CFAP47: variants seen among roughly 807,000 people sequenced by gnomAD.
CFAP47 encodes the protein cilia- and flagella-associated protein 47.
Under a neutral mutation model 148.1 loss-of-function variants are expected in CFAP47, and 29 were observed. That is an observed-to-expected ratio of 0.20 (90% confidence interval 0.15 to 0.27). CFAP47 has a LOEUF of 0.27. Ranked by LOEUF, CFAP47 falls within the 10% of genes least tolerant of loss-of-function variation. CFAP47 has a pLI of 1.00. For synonymous variants in CFAP47, 664 were observed against 577.3 expected (o/e 1.15, Z -2.15); for missense variants, 1,872 against 1,697.5 (o/e 1.10, Z -1.81).
rs1398240416 is a variant in CFAP47 at position 36,293,296 on chromosome X, ACT to A, written c.7687-5676_7687-5675del. Among the ~76,000 whole-genome samples the A allele has an allele frequency of 1.9e-4, 21 of 112,386 alleles. No homozygotes were observed. The South Asian group carries it at 6.9e-3, about 37-fold the overall frequency. On this transcript the variant is annotated intron_variant, in intron 51 of 63. Coordinates refer to ENST00000378653, the MANE Select transcript of CFAP47 (RefSeq NM_001304548.2). ...GTGGTTGCTGTCCTGTTTATTTAAG[ACT>A]CTCTAAATATAGTATTCAGAGTATA... is the stretch of plus-strand genomic sequence containing the variant.
chrX:36,293,939 G>A (rs1941216154), intron 51 of CFAP47, among the ~76,000 whole-genome samples: 1 of 111,300 alleles, frequency 9.0e-6, no homozygotes, highest in South Asian at 3.9e-4. Context: ...TAGAGTGAGA[G>A]CAAGATGCAC....
At chrX:35,986,707 C>T (rs1478437051) in intron 15 of CFAP47, among the ~76,000 whole-genome samples, 2 of 111,157 alleles carry the variant, frequency 1.8e-5, no homozygotes, top group Non-Finnish European at 1.9e-5. Flanking sequence ...TTGAAATTTT[C>T]AGCCTTTTTG....
chrX:36,347,402 A>G (rs75830673), intron 57 of CFAP47, among the ~76,000 whole-genome samples: 1 of 111,804 alleles, frequency 8.9e-6, no homozygotes, highest in Admixed American at 9.5e-5. Context: ...AACTAGAAAT[A>G]CCATTTGACC....
chrX:36,326,145 T>C (rs1941515833), intron 57 of CFAP47, among the ~76,000 whole-genome samples: 1 of 111,603 alleles, frequency 9.0e-6, no homozygotes, highest in African/African-American at 3.3e-5. Context: ...TCATCTATCC[T>C]TGCAGTAATA....
chrX:36,327,824 G>A (rs1556013357), intron 57 of CFAP47, among the ~76,000 whole-genome samples: 2 of 112,004 alleles, frequency 1.8e-5, no homozygotes, highest in African/African-American at 6.5e-5. Context: ...GAATGCAGCT[G>A]AAGGCAATAA....
At chrX:36,046,708 C>T (rs1741802799) in intron 25 of CFAP47, 146 bp from the exon 26 acceptor site, 1 of 412,737 alleles carries the variant, frequency 2.4e-6, no homozygotes, top group East Asian at 4.0e-5. Flanking sequence ...AGAGATGATA[C>T]AAAGATATCT....
chrX:36,088,625 G>T (rs1938129258), intron 30 of CFAP47, among the ~76,000 whole-genome samples: 1 of 110,742 alleles, frequency 9.0e-6, no homozygotes, highest in Non-Finnish European at 1.9e-5. Context: ...CCAAATTTTT[G>T]ACACCTTGAT....
chrX:36,350,102 C>A lies in CFAP47; in HGVS notation c.8668C>A (p.Pro2890Thr), dbSNP rs1317932026. 1.7e-6 allele frequency: 2 copies of A among 1,156,574 alleles called. No homozygotes were observed. Among genetic ancestry groups the A allele is most frequent in the East Asian group, 3.3e-5 (1 of 30,664 alleles). Residue 2890 changes from proline (P) to threonine (T), a missense_variant, in exon 59 of 64, where the codon CCA becomes ACA. Physicochemically the swap from Pro to Thr is conservative, Grantham distance 38 (BLOSUM62 -1). Transcript: ENST00000378653. ...IHWIYPIVGL[P>T]QAPPPKSPPV... is the part of the protein sequence containing the mutation. ...CTGGATATACCCTATTGTTGGACTC[C>A]CACAAGCACCACCTCCTAAATCTCC... is the stretch of plus-strand genomic sequence containing the variant.
At chrX:36,251,059 A>G (rs782490636) in intron 48 of CFAP47, among the ~76,000 whole-genome samples, 11 of 111,561 alleles carry the variant, frequency 9.9e-5, no homozygotes, top group Non-Finnish European at 2.1e-4. Flanking sequence ...TGATCTTGAT[A>G]TAAGTAGCAA....
rs782194427 is a variant in CFAP47, at chrX:36,213,119, A to G, written c.6817+8009A>G. Among the ~76,000 whole-genome samples, 109 of 111,194 alleles carry G rather than the reference A, an allele frequency of 9.8e-4. 1 individual carries two copies. Among genetic ancestry groups the G allele is most frequent in the African/African-American group, 3.3e-3 (100 of 30,652 alleles). On this transcript the variant is annotated intron_variant, in intron 45 of 63. Transcript: ENST00000378653. ...GGTAACCTCCAACTATTATTATTATATATTATTATTAAAAAGCCTATTTCT... is the reference window on the plus strand; with the variant it reads ...GGTAACCTCCAACTATTATTATTATGTATTATTATTAAAAAGCCTATTTCT...
intron 40 of CFAP47, among the ~76,000 whole-genome samples, chrX:36,180,315 G>C (rs1477905286): frequency 8.9e-6 from 1 of 111,906 alleles, no homozygotes; most frequent in Non-Finnish European, 1.9e-5. Context: ...ATAAAGTTAA[G>C]TACAATTAAA....
intron 40 of CFAP47, among the ~76,000 whole-genome samples, chrX:36,183,482 A>T (rs1386164081): frequency 1.8e-5 from 2 of 111,824 alleles, no homozygotes; most frequent in Non-Finnish European, 3.8e-5. Flanking sequence ...TATACTATTA[A>T]CTGATACTCC....
intron 51 of CFAP47, among the ~76,000 whole-genome samples, chrX:36,286,327 G>T (rs1166830143): frequency 2.7e-5 from 3 of 109,207 alleles, no homozygotes; most frequent in African/African-American, 1.0e-4. Context: ...TATTTAAATT[G>T]ATAATAATAA....
Position 36,303,574 on chromosome X carries a change from C to T in CFAP47, c.7971-275C>T, listed in dbSNP as rs147832879. Among the ~76,000 whole-genome samples, 538 of 110,183 alleles carry T rather than the reference C, an allele frequency of 4.9e-3. 3 individuals are homozygous for T. The highest frequency in any genetic ancestry group is 0.017 in the African/African-American group (503 of 30,296). On this transcript the variant is annotated intron_variant, in intron 53 of 63. Transcript: ENST00000378653. ...ATCTCTACTTCCACTGTTATATGGC[C>T]ATCTTCTGTGTATCTTCACATGATT...
intron 49 of CFAP47, among the ~76,000 whole-genome samples, chrX:36,254,136 G>C (rs1940722741): frequency 9.0e-6 from 1 of 111,505 alleles, no homozygotes; most frequent in Non-Finnish European, 1.9e-5. Flanking sequence ...TAGCACTGGG[G>C]AGCCTGATGG....
At chrX:36,080,578 C>T (rs997910520) in intron 29 of CFAP47, among the ~76,000 whole-genome samples, 14 of 111,933 alleles carry the variant, frequency 1.3e-4, no homozygotes, top group Admixed American at 4.7e-4. Context: ...GGCACATATA[C>T]ACCATGGAAT....
At chrX:36,206,625 G>A (rs1453398201) in intron 45 of CFAP47, among the ~76,000 whole-genome samples, 6 of 111,679 alleles carry the variant, frequency 5.4e-5, no homozygotes, top group African/African-American at 1.9e-4. Context: ...TTGAGAAAAT[G>A]TATAACCAAG....
At chrX:36,374,064 A>G (rs1340335118) in intron 62 of CFAP47, among the ~76,000 whole-genome samples, 2 of 110,346 alleles carry the variant, frequency 1.8e-5, no homozygotes, top group Non-Finnish European at 3.8e-5. Context: ...TATCAGGGTG[A>G]TCCTGGCCTC....
intron 53 of CFAP47, 118 bp downstream of exon 53, chrX:36,301,297 AT>A (rs367828343): frequency 0.05 from 22,261 of 441,489 alleles, 524 homozygotes; most frequent in Middle Eastern, 0.11. Context: ...TTAGTCATTG[AT>A]TTTTTTTCCC....
Sources: gnomAD v4.1 joint callset for allele counts (sites outside exome capture counted in the v4.1 genomes callset) on GRCh38, gnomAD v4.1.1 for gene constraint, MANE v1.5 for transcripts, NCBI Gene and HGNC (gene_info 2026-07-23, HGNC 2026-07-21) for gene names.